KHDRBS2: variants seen among roughly 807,000 people sequenced by gnomAD.
KHDRBS2 encodes the protein KH domain-containing, RNA-binding, signal transduction-associated protein 2.
KHDRBS2 carries 26 observed loss-of-function variants against 44.3 expected under a neutral mutation model. That is an observed-to-expected ratio of 0.59 (90% CI 0.43 to 0.81). KHDRBS2 has a LOEUF of 0.81. Ranked by LOEUF, KHDRBS2 falls within the 40% of genes least tolerant of loss-of-function variation. KHDRBS2 has a pLI of 0.00. For missense variants in KHDRBS2, 476 were observed against 433.1 expected (o/e 1.10, Z -0.88); for synonymous variants, 194 against 151.1 (o/e 1.28, Z -2.08).
chr6:62,099,662 G>A (rs1216587329), intron 2 of KHDRBS2, among the ~76,000 whole-genome samples: 7 of 152,164 alleles, frequency 4.6e-5, no homozygotes, highest in Admixed American at 2.0e-4. Context: ...GTCCACTGCT[G>A]TCTCCTTCAC....
chr6:61,547,287 A>G, the KHDRBS2 span, among the ~76,000 whole-genome samples: 1 of 152,130 alleles, frequency 6.6e-6, no homozygotes, highest in Non-Finnish European at 1.5e-5. Context: ...TTGCCAATAC[A>G]TTCACCCTTA....
intron 6 of KHDRBS2, among the ~76,000 whole-genome samples, chr6:61,815,162 G>A (rs1223609880): frequency 6.6e-6 from 1 of 151,774 alleles, no homozygotes; most frequent in African/African-American, 2.4e-5. Flanking sequence ...CATGGATACA[G>A]GGGGAAAACC....
chr6:62,272,879 A>AT (rs1452771509), intron 1 of KHDRBS2, among the ~76,000 whole-genome samples: 2 of 152,188 alleles, frequency 1.3e-5, no homozygotes, highest in East Asian at 3.9e-4. Flanking sequence ...AGGATGAAGA[A>AT]TGGAGATATA....
chr6:62,281,844 A>G (rs1205485717), intron 1 of KHDRBS2, among the ~76,000 whole-genome samples: 3 of 152,190 alleles, frequency 2.0e-5, no homozygotes, highest in Non-Finnish European at 2.9e-5. Context: ...AAGTGTCAAT[A>G]ATCACTCCCA....
chr6:61,860,852 T>G (rs1175301274), intron 6 of KHDRBS2, among the ~76,000 whole-genome samples: 1 of 151,966 alleles, frequency 6.6e-6, no homozygotes, highest in Non-Finnish European at 1.5e-5. Flanking sequence ...AAAAGCATTA[T>G]TTTTTTCTCC....
intron 2 of KHDRBS2, among the ~76,000 whole-genome samples, chr6:62,063,299 T>C (rs1046156155): frequency 1.3e-5 from 2 of 150,612 alleles, no homozygotes; most frequent in South Asian, 2.1e-4. Context: ...ATCATTCTGA[T>C]ACCAAAGCCG....
the KHDRBS2 span, among the ~76,000 whole-genome samples, chr6:61,579,007 C>T: frequency 6.6e-6 from 1 of 152,112 alleles, no homozygotes; most frequent in African/African-American, 2.4e-5. Flanking sequence ...CAGCTTGTCA[C>T]AAACTATTAA....
intron 1 of KHDRBS2, among the ~76,000 whole-genome samples, chr6:62,201,803 GATC>G (rs1035371386): frequency 1.3e-5 from 2 of 151,878 alleles, no homozygotes; most frequent in African/African-American, 2.4e-5. Context: ...ATTTAAAATA[GATC>G]ATCATCAATA....
chr6:61,908,634 A>T (rs1805485486), intron 4 of KHDRBS2, among the ~76,000 whole-genome samples: 1 of 4,000 alleles, frequency 2.5e-4, no homozygotes, highest in South Asian at 4.2e-3. Flanking sequence ...ATTCCGTCTC[A>T]AAAAAAAAAA....
chr6:61,845,995 G>T lies in KHDRBS2; in HGVS notation c.810+48640C>A, dbSNP rs532327036. 4.6e-5 allele frequency among the ~76,000 whole-genome samples: 7 copies of T among 152,236 alleles called. No individual in the cohort carries two copies. In the South Asian group the frequency reaches 1.5e-3, roughly 32 times the overall value. On this transcript the variant is annotated intron_variant, in intron 6 of 8. Transcript: ENST00000281156. ...TCATCGTGATAGTGAGTTTTCATGA[G>T]ATCTGGTCATTTAAAAGTGTGTGGC... is the stretch of plus-strand genomic sequence containing the variant.
chr6:62,252,996 G>A (rs1027258054), intron 1 of KHDRBS2, among the ~76,000 whole-genome samples: 4 of 152,018 alleles, frequency 2.6e-5, no homozygotes, highest in African/African-American at 9.7e-5. Flanking sequence ...ATGAAGATAT[G>A]ATCAGTAATA....
At chr6:61,848,490 T>TAC (rs1491335256) in intron 6 of KHDRBS2, among the ~76,000 whole-genome samples, 7 of 32,176 alleles carry the variant, frequency 2.2e-4, no homozygotes, top group African/African-American at 6.3e-4. Flanking sequence ...TATATATATA[T>TAC]GTATATATAT....
chr6:62,269,631 T>C (rs1288365636), intron 1 of KHDRBS2, among the ~76,000 whole-genome samples: 1 of 152,080 alleles, frequency 6.6e-6, no homozygotes, highest in Non-Finnish European at 1.5e-5. Flanking sequence ...CATACATCCC[T>C]GGTAAGACAG....
intron 2 of KHDRBS2, among the ~76,000 whole-genome samples, chr6:62,060,590 G>T (rs1584428549): frequency 6.9e-6 from 1 of 144,146 alleles, no homozygotes; most frequent in African/African-American, 2.6e-5. Context: ...AAATAGTAAA[G>T]GTCTCTCTCT....
At chr6:61,911,381 G>T (rs1273722200) in intron 4 of KHDRBS2, among the ~76,000 whole-genome samples, 4 of 152,138 alleles carry the variant, frequency 2.6e-5, no homozygotes, top group Non-Finnish European at 5.9e-5. Context: ...ATCCAGGGGA[G>T]TTAAAGTGCA....
intron 3 of KHDRBS2, among the ~76,000 whole-genome samples, chr6:61,987,914 G>A (rs1428178478): frequency 1.3e-5 from 2 of 152,094 alleles, no homozygotes; most frequent in East Asian, 1.9e-4. Flanking sequence ...TCTATGAGAA[G>A]GGAAATCTTC....
At chr6:62,109,475 G>GA (rs1266043327) in intron 2 of KHDRBS2, among the ~76,000 whole-genome samples, 10 of 151,448 alleles carry the variant, frequency 6.6e-5, no homozygotes, top group Non-Finnish European at 1.2e-4. Flanking sequence ...GCAAGAAAAA[G>GA]AAAAAAGCCA....
At chr6:62,009,573 C>T (rs910378558) in intron 3 of KHDRBS2, among the ~76,000 whole-genome samples, 4 of 152,144 alleles carry the variant, frequency 2.6e-5, no homozygotes, top group South Asian at 2.1e-4. Context: ...TCATGGCAGC[C>T]GCTCCCATCA....
chr6:61,620,882 C>A, the KHDRBS2 span, among the ~76,000 whole-genome samples: 1 of 152,198 alleles, frequency 6.6e-6, no homozygotes, highest in Admixed American at 6.5e-5. Flanking sequence ...CCCATTCTTC[C>A]TTCCTTGCCT....
Sources: allele counts gnomAD v4.1 joint callset (sites outside exome capture counted in the v4.1 genomes callset), GRCh38; gene constraint gnomAD v4.1.1; transcripts MANE v1.5; gene names NCBI Gene and HGNC (gene_info 2026-07-23, HGNC 2026-07-21).